RASGRP3: variants seen among roughly 807,000 people sequenced by gnomAD.
RASGRP3 encodes RAS guanyl releasing protein 3, also known as ras guanyl-releasing protein 3.
A neutral mutation model predicts 82.7 loss-of-function variants in RASGRP3; 54 were observed. The observed-to-expected ratio is 0.65, with a 90% confidence interval of 0.52 to 0.82. The LOEUF (loss-of-function observed/expected upper bound fraction) is 0.82. Ranked by LOEUF, RASGRP3 falls within the 40% of genes least tolerant of loss-of-function variation. RASGRP3 has a pLI of 0.00. For missense variants in RASGRP3, 861 were observed against 828.9 expected (o/e 1.04, Z -0.48); for synonymous variants, 309 against 300.5 (o/e 1.03, Z -0.29).
intron 1 of RASGRP3, among the ~76,000 whole-genome samples, chr2:33,444,673 T>C (rs988330926): frequency 1.3e-4 from 20 of 152,334 alleles, no homozygotes; most frequent in South Asian, 4.1e-4. Context: ...TCAAGTAAGA[T>C]TGAATAGTTG....
chr2:33,523,180 A>G (rs778251335), intron 7 of RASGRP3, among the ~76,000 whole-genome samples: 19 of 152,164 alleles, frequency 1.2e-4, no homozygotes, highest in Non-Finnish European at 2.5e-4. Context: ...TGTGTTAAAA[A>G]TGGAGATTCT....
intron 10 of RASGRP3, chr2:33,534,052 G>C (rs183788968): frequency 6.0e-5 from 22 of 365,226 alleles, no homozygotes; most frequent in South Asian, 4.8e-4. Flanking sequence ...TCCCTCATCC[G>C]TGACTCAGCA....
At chr2:33,475,838 G>C (rs746333231), upstream of RASGRP3, among the ~76,000 whole-genome samples, 1 of 152,294 alleles carries the variant, frequency 6.6e-6, no homozygotes, top group South Asian at 2.1e-4. Flanking sequence ...CACACCAAAG[G>C]GGGCAGTAGT....
At chr2:33,475,408 C>CTAAA (rs1432679360), upstream of RASGRP3, among the ~76,000 whole-genome samples, 1 of 151,990 alleles carries the variant, frequency 6.6e-6, no homozygotes, top group Non-Finnish European at 1.5e-5. Flanking sequence ...GAGACAAAGC[C>CTAAA]TAAATATAAA....
Position 33,558,986 on chromosome 2 carries a change from G to T in RASGRP3, c.2020G>T (p.Glu674Ter). The T allele has an allele frequency of 6.2e-7, 1 of 1,613,636 alleles. No homozygotes were observed. Among genetic ancestry groups the T allele is most frequent in the South Asian group, 1.1e-5 (1 of 90,968 alleles). ...TGTTGTAGACCGGGGCACGGAGTTT[G>T]AACTTGACCAGGATGAAGGAGAAGA... is the stretch of plus-strand genomic sequence containing the variant. Reference protein sequence around the residue: ...VDVVDRGTEFELDQDEGEETR... With the variant: ...VDVVDRGTEF Residue 674 changes from glutamate to a stop codon, truncating the protein, a stop_gained, in exon 17 of 18, where the codon GAA (glutamate) becomes TAA (stop). Transcript: ENST00000403687. LOFTEE classifies it high-confidence loss of function.
intron 14 of RASGRP3, among the ~76,000 whole-genome samples, chr2:33,550,439 C>T (rs1291575573): frequency 1.3e-5 from 2 of 152,198 alleles, no homozygotes; most frequent in African/African-American, 4.8e-5. Flanking sequence ...CCCTGTGCTT[C>T]ACCTACACCA....
intron 3 of RASGRP3, 97 bp from the exon 4 acceptor site, chr2:33,516,445 G>A (rs1671475241): frequency 2.7e-6 from 2 of 754,228 alleles, no homozygotes; most frequent in East Asian, 5.6e-5. Flanking sequence ...TCTATGAAAA[G>A]TTTTTGACAT....
upstream of RASGRP3, among the ~76,000 whole-genome samples, chr2:33,474,484 G>A (rs570525709): frequency 6.6e-6 from 1 of 152,164 alleles, no homozygotes; most frequent in African/African-American, 2.4e-5. Context: ...TGTATTTTTA[G>A]TAGAGACAGG....
At chr2:33,456,781 A>C (rs1426192379) in intron 2 of RASGRP3, among the ~76,000 whole-genome samples, 1 of 152,224 alleles carries the variant, frequency 6.6e-6, no homozygotes, top group East Asian at 1.9e-4. Context: ...GTTGCATGTT[A>C]CCAAGGTCTG....
intron 4 of RASGRP3, 104 bp from the exon 5 acceptor site, chr2:33,519,848 C>T: frequency 8.0e-6 from 6 of 749,364 alleles, no homozygotes; most frequent in African/African-American, 3.5e-5. Context: ...CTATATAACC[C>T]CAGCATGGTC....
At chr2:33,499,879 T>C (rs1295418321) in intron 1 of RASGRP3, among the ~76,000 whole-genome samples, 1 of 152,098 alleles carries the variant, frequency 6.6e-6, no homozygotes, top group African/African-American at 2.4e-5. Context: ...TATAAAGATA[T>C]CAGGCACACT....
intron 15 of RASGRP3, among the ~76,000 whole-genome samples, chr2:33,556,229 A>ATTT (rs1675932842): frequency 2.3e-5 from 2 of 86,956 alleles, no homozygotes; most frequent in African/African-American, 1.3e-4. Flanking sequence ...TCTTCTAATA[A>ATTT]TCTTTTTTTT....
chr2:33,553,887 C>CA (rs1160598912), intron 14 of RASGRP3, among the ~76,000 whole-genome samples: 1 of 152,172 alleles, frequency 6.6e-6, no homozygotes, highest in Non-Finnish European at 1.5e-5. Flanking sequence ...TATAGGCACA[C>CA]ACCACCATGC....
Position 33,558,733 on chromosome 2 carries a change from A to T in RASGRP3, c.1767A>T (p.Arg589Ser). 6.2e-7 allele frequency: 1 copy of T among 1,613,902 alleles called. No homozygotes were observed. Among genetic ancestry groups the T allele is most frequent in the Non-Finnish European group, 8.5e-7 (1 of 1,179,886 alleles). Residue 589 changes from arginine (R) to serine (S), a missense_variant, in exon 17 of 18, where the codon AGA (arginine) becomes AGT (serine). Arg to Ser is a moderately radical substitution (Grantham distance 110, BLOSUM62 -1). Transcript: ENST00000403687. Reference protein sequence around the residue: ...VTAGHRDLDSRAITLVTGSSR... With the variant: ...VTAGHRDLDSSAITLVTGSSR... Reference sequence around the variant, plus strand: ...CTGGACACAGGGATTTAGACAGCAGAGCCATCACACTGGTTACAGGCTCTT... The same window carrying T: ...CTGGACACAGGGATTTAGACAGCAGTGCCATCACACTGGTTACAGGCTCTT...
chr2:33,540,733 TG>T (rs1674217234), intron 12 of RASGRP3, among the ~76,000 whole-genome samples: 2 of 145,590 alleles, frequency 1.4e-5, no homozygotes, highest in Non-Finnish European at 3.1e-5. Flanking sequence ...GATTTTATGA[TG>T]AATTTTACTC....
In RASGRP3 at chr2:33,515,047, A is replaced by G; in HGVS notation, c.-90A>G. 4.2e-6 allele frequency: 5 copies of G among 1,181,934 alleles called. No homozygotes were observed. Among genetic ancestry groups the G allele is most frequent in the Non-Finnish European group, 6.4e-6 (5 of 786,510 alleles). The allele number at this position is 1,181,934 out of a possible 1,614,324, so 73.2% of individuals were successfully genotyped here. On this transcript the variant is annotated 5_prime_UTR_variant, in exon 3 of 18. Transcript: ENST00000403687. ...GTACAACTAAGGACAGGTCACCACT[A>G]GGCACTAACATCGCTGACTTGCATG...
At chr2:33,528,015 C>A (rs1325311241) in intron 10 of RASGRP3, among the ~76,000 whole-genome samples, 2 of 152,144 alleles carry the variant, frequency 1.3e-5, no homozygotes, top group African/African-American at 4.8e-5. Flanking sequence ...TGCTTCCTGG[C>A]CTTTGGACTT....
intron 17 of RASGRP3, among the ~76,000 whole-genome samples, chr2:33,562,034 T>C (rs1442711165): frequency 1.3e-5 from 2 of 152,214 alleles, no homozygotes; most frequent in African/African-American, 4.8e-5. Context: ...TATGAATATA[T>C]GTAATATACA....
rs150921090 is a variant in RASGRP3, at chr2:33,521,232, T to A, written c.368+548T>A. Among the ~76,000 whole-genome samples, 337 of 152,332 alleles carry A rather than the reference T, an allele frequency of 2.2e-3. 1 individual carries two copies. Among genetic ancestry groups the A allele is most frequent in the African/African-American group, 7.8e-3 (324 of 41,576 alleles). On this transcript the variant is annotated intron_variant, in intron 6 of 17. Transcript: ENST00000403687. ...GCCTTATGGTGGTTGACCATAGATG[T>A]GCCAGGAGCTGGTTAGCTCAGTTAT...
Sources: allele counts gnomAD v4.1 joint callset (sites outside exome capture counted in the v4.1 genomes callset), GRCh38; gene constraint gnomAD v4.1.1; transcripts MANE v1.5; gene names NCBI Gene and HGNC (gene_info 2026-07-23, HGNC 2026-07-21).